The following CEP89 variants were observed in gnomAD, a reference collection of about 807,000 sequenced individuals.
CEP89 encodes centrosomal protein of 89 kDa.
Under a neutral mutation model 97.6 loss-of-function variants are expected in CEP89, and 95 were observed. That is an observed-to-expected ratio of 0.97 (90% CI 0.82 to 1.15). CEP89 has a LOEUF of 1.15. Ranked by LOEUF, CEP89 falls within the 50% of genes most tolerant of loss-of-function variation. The pLI, the probability that CEP89 is intolerant of heterozygous loss-of-function variation, is 0.00. For missense variants in CEP89, 869 were observed against 947.7 expected (o/e 0.92, Z 1.09); for synonymous variants, 354 against 349.1 (o/e 1.01, Z -0.16).
At chr19:32,971,295 T>C in intron 1 of CEP89, 1 of 412,800 alleles carries the variant, frequency 2.4e-6, no homozygotes. Flanking sequence ...GCAGCAGGTG[T>C]ACGTCGTCCA....
At chr19:32,913,349 T>C (rs1052990898) in intron 14 of CEP89, among the ~76,000 whole-genome samples, 6 of 150,764 alleles carry the variant, frequency 4.0e-5, no homozygotes, top group African/African-American at 1.5e-4. Flanking sequence ...TGTTTCACAA[T>C]GTTGCCCAGG....
At chr19:32,915,293 GA>G (rs1970097965) in intron 14 of CEP89, 43 bp downstream of exon 14, 1 of 1,465,470 alleles carries the variant, frequency 6.8e-7, no homozygotes, top group African/African-American at 1.6e-5. Context: ...ACCCTGTCTC[GA>G]AAAAAGAAAA....
At chr19:32,942,809 T>G (rs1970714230) in intron 5 of CEP89, among the ~76,000 whole-genome samples, 1 of 151,476 alleles carries the variant, frequency 6.6e-6, no homozygotes, top group Non-Finnish European at 1.5e-5. Context: ...CTGGGCATAC[T>G]CCTGCTGCAT....
chr19:32,954,555 G>A lies in CEP89; in HGVS notation c.306-754C>T, dbSNP rs1172154545. Among the ~76,000 whole-genome samples the A allele has an allele frequency of 5.3e-5, 8 of 151,650 alleles. No homozygotes were observed. The East Asian group carries it at 1.6e-3, about 30-fold the overall frequency. On this transcript the variant is annotated intron_variant, in intron 3 of 18. Coordinates refer to ENST00000305768, the MANE Select transcript of CEP89 (RefSeq NM_032816.5). ...TTTTGTAGAGACGGGGTTTCACCAT[G>A]TTGTCCAGGCTGGTCTTGAACTCCT...
chr19:32,881,591 G>T (rs1969281831), intron 18 of CEP89, among the ~76,000 whole-genome samples: 1 of 149,754 alleles, frequency 6.7e-6, no homozygotes, highest in Non-Finnish European at 1.5e-5. Context: ...GAAGGCAGCA[G>T]AAAAAAAGAG....
rs761384121 is a variant in CEP89, at chr19:32,899,879, T to C, written c.1853A>G (p.Glu618Gly). ...TACCAAACACATAAGACTGTCACGTTCCTGGGTTATGTTTTCTGCCAGGCC... is the reference window on the plus strand; with the variant it reads ...TACCAAACACATAAGACTGTCACGTCCCTGGGTTATGTTTTCTGCCAGGCC... ...LVGLAENITQ[E>G]RDSLMCLAKC... is the part of the protein sequence containing the mutation. The change falls in exon 16 of 19, where the codon GAA (glutamate) becomes GGA (glycine). Residue 618 changes from glutamate to glycine, a missense_variant. Coordinates refer to ENST00000305768, the MANE Select transcript of CEP89 (RefSeq NM_032816.5). 17 of 1,614,018 alleles carry C rather than the reference T, an allele frequency of 1.1e-5. No homozygotes were observed. In the Middle Eastern group the frequency reaches 1.2e-3, roughly 110 times the overall value.
chr19:32,917,771 A>G, intron 13 of CEP89: 1 of 983,814 alleles, frequency 1.0e-6, no homozygotes, highest in Non-Finnish European at 1.2e-6. Context: ...TGTTTGATGG[A>G]AATCTAACCT....
At chr19:32,887,285 T>C (rs1447485428) in intron 17 of CEP89, among the ~76,000 whole-genome samples, 2 of 151,300 alleles carry the variant, frequency 1.3e-5, no homozygotes, top group African/African-American at 4.9e-5. Context: ...TGGTGTGACC[T>C]CGGCTCACCA....
At chr19:32,925,460 CCTTCCCATGT>C (rs1235542958) in intron 11 of CEP89, among the ~76,000 whole-genome samples, 2 of 150,832 alleles carry the variant, frequency 1.3e-5, no homozygotes, top group Non-Finnish European at 2.9e-5. Context: ...TCCAGCCTTT[CCTTCCCATGT>C]CTGCCCAAAT....
rs760275655 is a variant in CEP89 at position 32,899,902 on chromosome 19, G to A, written c.1830C>T (p.Gly610=). ...GTTCCTGGGTTATGTTTTCTGCCAG[G>A]CCAACAAGGTTTGCCAGGTACTGAT... ...SAHQYLANLV[G]LAENITQERD... is the part of the protein sequence containing the mutation. Residue 610 remains glycine, a synonymous_variant, in exon 16 of 19, where the codon GGC becomes GGT. Coordinates refer to ENST00000305768, the MANE Select transcript of CEP89 (RefSeq NM_032816.5). 6.2e-7 allele frequency: 1 copy of A among 1,613,870 alleles called. No individual in the cohort carries two copies. Among genetic ancestry groups the A allele is most frequent in the South Asian group, 1.1e-5 (1 of 91,068 alleles).
intron 3 of CEP89, among the ~76,000 whole-genome samples, chr19:32,955,639 G>A (rs959355839): frequency 3.3e-5 from 5 of 151,930 alleles, no homozygotes; most frequent in Non-Finnish European, 5.9e-5. Context: ...TCAGCCTCCC[G>A]AGTAGCTGGG....
intron 6 of CEP89, among the ~76,000 whole-genome samples, chr19:32,938,913 G>GA (rs1290188814): frequency 1.3e-5 from 2 of 152,144 alleles, no homozygotes; most frequent in African/African-American, 4.8e-5. Flanking sequence ...CTGCGCCACT[G>GA]CACTCCAGTC....
Position 32,879,306 on chromosome 19 carries a change from G to A in CEP89, c.2208C>T (p.Leu736=), listed in dbSNP as rs774211632. The change falls in exon 19 of 19, where the codon CTC becomes CTT. Residue 736 remains leucine, a synonymous_variant. Transcript: ENST00000305768. ...FRENRRIREL[L]QDTLTRTGVQ... is the part of the protein sequence containing the mutation. ...CGCCTGTCCTCGTGAGTGTGTCCTGGAGAAGTTCTCGGATTCTTCGGTTTT... is the reference window on the plus strand; with the variant it reads ...CGCCTGTCCTCGTGAGTGTGTCCTGAAGAAGTTCTCGGATTCTTCGGTTTT... 1.2e-6 allele frequency: 2 copies of A among 1,614,266 alleles called. No homozygotes were observed. The highest frequency in any genetic ancestry group is 4.5e-5 in the East Asian group (2 of 44,886).
At chr19:32,896,302 A>G (rs1969639947) in intron 16 of CEP89, among the ~76,000 whole-genome samples, 1 of 152,198 alleles carries the variant, frequency 6.6e-6, no homozygotes, top group Admixed American at 6.5e-5. Flanking sequence ...TAAAGCACCA[A>G]GAAACGAGCC....
intron 12 of CEP89, among the ~76,000 whole-genome samples, chr19:32,921,543 G>A (rs778558402): frequency 3.3e-5 from 5 of 152,226 alleles, no homozygotes; most frequent in Non-Finnish European, 7.3e-5. Flanking sequence ...GCGGGGCTGT[G>A]GATTTGAAAG....
In CEP89 at chr19:32,947,791, G is replaced by A. The variant is rs972522277; in HGVS notation, c.595+475C>T. 6.6e-5 allele frequency among the ~76,000 whole-genome samples: 10 copies of A among 152,130 alleles called. No individual in the cohort carries two copies. In the East Asian group the frequency reaches 1.4e-3, roughly 21 times the overall value. On this transcript the variant is annotated intron_variant, in intron 5 of 18. Transcript: ENST00000305768. ...CCCAAAGTACTGGGATTACAGGAGC[G>A]AGCCACCACACCCAGCCTTATTTTC... is the stretch of plus-strand genomic sequence containing the variant.
intron 12 of CEP89, among the ~76,000 whole-genome samples, chr19:32,918,618 A>G (rs538344203): frequency 6.6e-6 from 1 of 152,304 alleles, no homozygotes; most frequent in African/African-American, 2.4e-5. Context: ...GGAGACTCCT[A>G]TGTGCACAAT....
At chr19:32,949,613 G>T (rs149387376) in intron 4 of CEP89, among the ~76,000 whole-genome samples, 1 of 151,998 alleles carries the variant, frequency 6.6e-6, no homozygotes, top group African/African-American at 2.4e-5. Flanking sequence ...TGAACTTCTG[G>T]CCTCAAGTGA....
At chr19:32,914,370 C>T (rs1465581449) in intron 14 of CEP89, among the ~76,000 whole-genome samples, 1 of 152,124 alleles carries the variant, frequency 6.6e-6, no homozygotes, top group Non-Finnish European at 1.5e-5. Flanking sequence ...CAGCTCACTG[C>T]AGCCTCGATC....
Sources: gnomAD v4.1 joint callset for allele counts (sites outside exome capture counted in the v4.1 genomes callset) on GRCh38, gnomAD v4.1.1 for gene constraint, MANE v1.5 for transcripts, NCBI Gene and HGNC (gene_info 2026-07-23, HGNC 2026-07-21) for gene names.